KHDRBS2: variants seen among roughly 807,000 people sequenced by gnomAD.
KHDRBS2 encodes the protein KH domain-containing, RNA-binding, signal transduction-associated protein 2.
KHDRBS2 carries 26 observed loss-of-function variants against 44.3 expected under a neutral mutation model. The observed-to-expected ratio is 0.59, with a 90% CI of 0.43 to 0.81. KHDRBS2 has a LOEUF of 0.81. Among genes scored for constraint, KHDRBS2 ranks in the 40% least tolerant of loss-of-function variants. The probability of loss-of-function intolerance (pLI) is 0.00; values close to 1 mark genes in which losing one functional copy is unlikely to be tolerated. For synonymous variants in KHDRBS2, 194 were observed against 151.1 expected (o/e 1.28, Z -2.08); for missense variants, 476 against 433.1 (o/e 1.10, Z -0.88).
At chr6:61,903,023 C>G (rs1479003901) in intron 4 of KHDRBS2, among the ~76,000 whole-genome samples, 1 of 152,142 alleles carries the variant, frequency 6.6e-6, no homozygotes. Context: ...AGCCTCAACA[C>G]AGTTAGCTGA....
intron 6 of KHDRBS2, among the ~76,000 whole-genome samples, chr6:61,892,223 T>G (rs1167724654): frequency 6.6e-6 from 1 of 152,074 alleles, no homozygotes; most frequent in Non-Finnish European, 1.5e-5. Context: ...CAAGGAGAAC[T>G]ACAAACCACT....
intron 2 of KHDRBS2, among the ~76,000 whole-genome samples, chr6:62,086,258 G>A (rs142898560): frequency 5.8e-4 from 89 of 152,238 alleles, no homozygotes; most frequent in African/African-American, 1.8e-3. Context: ...GGAAATGACA[G>A]CACTACTGAG....
chr6:61,980,109 A>T (rs1232046069), intron 3 of KHDRBS2, among the ~76,000 whole-genome samples: 1 of 152,162 alleles, frequency 6.6e-6, no homozygotes, highest in African/African-American at 2.4e-5. Context: ...TCCTTGGAAG[A>T]TCATCATTTG....
At chr6:61,982,432 G>T (rs1466535753) in intron 3 of KHDRBS2, among the ~76,000 whole-genome samples, 1 of 152,196 alleles carries the variant, frequency 6.6e-6, no homozygotes, top group African/African-American at 2.4e-5. Context: ...AGCGCTTTGG[G>T]AGGCTGAGGA....
In KHDRBS2 at chr6:61,989,365, G is replaced by A. The variant is rs141697259; in HGVS notation, c.337-11153C>T. On this transcript the variant is annotated intron_variant, in intron 3 of 8. Transcript: ENST00000281156. ...GTTCCAAGTTGCAAAACTACTTCCT[G>A]TCATAAAGACACAAGAAGTTTGTTT... is the stretch of plus-strand genomic sequence containing the variant. 2.3e-3 allele frequency among the ~76,000 whole-genome samples: 343 copies of A among 152,258 alleles called. 1 individual carries two copies. The highest frequency in any genetic ancestry group is 7.5e-3 in the African/African-American group (313 of 41,550).
At chr6:62,284,404 G>A (rs1176048873) in intron 1 of KHDRBS2, among the ~76,000 whole-genome samples, 1 of 152,000 alleles carries the variant, frequency 6.6e-6, no homozygotes, top group Non-Finnish European at 1.5e-5. Flanking sequence ...AGATACTGAA[G>A]ACTGGTAAGA....
At chr6:62,280,243 C>T (rs77957602) in intron 1 of KHDRBS2, among the ~76,000 whole-genome samples, 3,849 of 152,204 alleles carry the variant, frequency 0.025, 126 homozygotes, top group African/African-American at 0.082. Context: ...GGGGTATGGA[C>T]TACGCCTTGC....
chr6:62,105,673 T>C (rs1803050379), intron 2 of KHDRBS2, among the ~76,000 whole-genome samples: 1 of 152,162 alleles, frequency 6.6e-6, no homozygotes, highest in African/African-American at 2.4e-5. Context: ...TCTCTTTTCT[T>C]TTTTATTAGT....
intron 3 of KHDRBS2, among the ~76,000 whole-genome samples, chr6:61,996,285 T>C (rs886242258): frequency 1.3e-5 from 2 of 152,162 alleles, no homozygotes; most frequent in African/African-American, 4.8e-5. Context: ...GAAAATGATG[T>C]GCTAAGGAAA....
chr6:61,821,073 A>AT (rs1192762903), intron 6 of KHDRBS2, among the ~76,000 whole-genome samples: 2 of 151,852 alleles, frequency 1.3e-5, no homozygotes, highest in Admixed American at 1.3e-4. Flanking sequence ...TTTGTCTATT[A>AT]TTTTTTCCCT....
intron 6 of KHDRBS2, among the ~76,000 whole-genome samples, chr6:61,825,916 T>C (rs1790791236): frequency 6.6e-6 from 1 of 152,182 alleles, no homozygotes; most frequent in African/African-American, 2.4e-5. Flanking sequence ...ACCTGCCACA[T>C]ACTAAGCATT....
At chr6:62,272,432 T>C (rs1840241913) in intron 1 of KHDRBS2, among the ~76,000 whole-genome samples, 1 of 152,162 alleles carries the variant, frequency 6.6e-6, no homozygotes, top group South Asian at 2.1e-4. Flanking sequence ...GCAGGCTGAG[T>C]TGAAAGATAA....
chr6:61,618,952 C>T, the KHDRBS2 span, among the ~76,000 whole-genome samples: 1 of 152,082 alleles, frequency 6.6e-6, no homozygotes, highest in African/African-American at 2.4e-5. Flanking sequence ...AATGTAAGTG[C>T]TATGAGGGCA....
At chr6:61,873,674 CAA>C in intron 6 of KHDRBS2, among the ~76,000 whole-genome samples, 2 of 149,290 alleles carry the variant, frequency 1.3e-5, no homozygotes, top group South Asian at 4.3e-4. Flanking sequence ...TTATATACAA[CAA>C]AGTGGCTTTT....
At chr6:61,951,441 TA>T (rs1168466893) in intron 4 of KHDRBS2, among the ~76,000 whole-genome samples, 1 of 152,094 alleles carries the variant, frequency 6.6e-6, no homozygotes, top group Non-Finnish European at 1.5e-5. Context: ...TTAAAAGCTT[TA>T]TCTACTAGTA....
intron 2 of KHDRBS2, among the ~76,000 whole-genome samples, chr6:62,172,970 C>T (rs566628369): frequency 6.6e-5 from 10 of 151,732 alleles, no homozygotes; most frequent in Admixed American, 2.0e-4. Flanking sequence ...TGCAAAATGC[C>T]CATATCACAT....
At chr6:62,134,924 G>C (rs1811175355) in intron 2 of KHDRBS2, among the ~76,000 whole-genome samples, 1 of 152,138 alleles carries the variant, frequency 6.6e-6, no homozygotes, top group Non-Finnish European at 1.5e-5. Context: ...TGAATTTACA[G>C]GCTCAGGCAG....
intron 7 of KHDRBS2, among the ~76,000 whole-genome samples, chr6:61,729,985 A>G (rs1378313955): frequency 6.6e-6 from 1 of 152,198 alleles, no homozygotes; most frequent in Non-Finnish European, 1.5e-5. Flanking sequence ...TCTAAAGGCA[A>G]GCATTGAACA....
At chr6:61,957,251 A>G (rs1439509181) in intron 4 of KHDRBS2, among the ~76,000 whole-genome samples, 1 of 152,140 alleles carries the variant, frequency 6.6e-6, no homozygotes, top group Admixed American at 6.6e-5. Flanking sequence ...CGTTAACTGC[A>G]CAAATTGTAG....
Sources: allele counts gnomAD v4.1 joint callset (sites outside exome capture counted in the v4.1 genomes callset), GRCh38; gene constraint gnomAD v4.1.1; transcripts MANE v1.5; gene names NCBI Gene and HGNC (gene_info 2026-07-23, HGNC 2026-07-21).